VWA5A: variants seen among roughly 807,000 people sequenced by gnomAD.
VWA5A encodes von Willebrand factor A domain containing 5A, also known as von Willebrand factor A domain-containing protein 5A.
VWA5A carries 77 observed loss-of-function variants against 84.6 expected under a neutral mutation model. The observed-to-expected ratio is 0.91, with a 90% confidence interval of 0.76 to 1.10. The LOEUF is 1.10. VWA5A is among the 50% of genes least tolerant of loss of function. The pLI is 0.00. For synonymous variants in VWA5A, 334 were observed against 350.1 expected (o/e 0.95, Z 0.51); for missense variants, 973 against 963.0 (o/e 1.01, Z -0.14).
intron 11 of VWA5A, among the ~76,000 whole-genome samples, chr11:124,131,384 G>A (rs1343044626): frequency 1.3e-5 from 2 of 151,832 alleles, no homozygotes; most frequent in East Asian, 3.9e-4. Context: ...GTCTATTTTT[G>A]GAATTTTTTT....
At chr11:124,135,396 C>G (rs1017874558) in intron 12 of VWA5A, among the ~76,000 whole-genome samples, 1 of 152,004 alleles carries the variant, frequency 6.6e-6, no homozygotes, top group African/African-American at 2.4e-5. Flanking sequence ...CATGCATCCT[C>G]CATGCAAAAG....
At position 124,136,669 on chromosome 11, in the gene VWA5A, T is replaced by C. The variant is rs1860592637; in HGVS notation, c.1620T>C (p.Asp540=). The change falls in exon 14 of 19, where the codon GAT becomes GAC. Residue 540 remains aspartate, a synonymous_variant. Transcript: ENST00000456829. ...KVTFPLQPKP[D]VNLTIHRLAA... ...CATTTCCTCTACAACCCAAGCCTGATGTCAAGTGAGAATTCAGTTTTCCCT... is the reference window on the plus strand; with the variant it reads ...CATTTCCTCTACAACCCAAGCCTGACGTCAAGTGAGAATTCAGTTTTCCCT... 1 of 1,612,928 alleles carries C rather than the reference T, an allele frequency of 6.2e-7. No individual in the cohort carries two copies. The highest frequency in any genetic ancestry group is 1.3e-5 in the African/African-American group (1 of 74,710).
At position 124,117,746 on chromosome 11, in the gene VWA5A, C is replaced by T. The variant is rs745597343; in HGVS notation, c.117C>T (p.Tyr39=). 13 of 1,614,020 alleles carry T rather than the reference C, an allele frequency of 8.1e-6. No homozygotes were observed. The highest frequency in any genetic ancestry group is 5.0e-5 in the Admixed American group (3 of 59,998). The change falls in exon 4 of 19, where the codon TAC becomes TAT. Residue 39 remains tyrosine, a synonymous_variant. Transcript: ENST00000456829. ...CTGGTGTGTCTGCAACTTTGAACTACGAGAATGAGGAGAAAGTTCCTTTGG... is the reference window on the plus strand; with the variant it reads ...CTGGTGTGTCTGCAACTTTGAACTATGAGAATGAGGAGAAAGTTCCTTTGG... ...FVAGVSATLN[Y]ENEEKVPLEA...
At chr11:124,124,488 A>G (rs887369339) in intron 11 of VWA5A, 172 bp downstream of exon 11, 1 of 1,361,516 alleles carries the variant, frequency 7.3e-7, no homozygotes, top group African/African-American at 1.5e-5. Context: ...CAGTTTTCCA[A>G]ATAACATCAA....
rs1345534380 is a variant in VWA5A at position 124,142,583 on chromosome 11, A to G, written c.2154+11A>G. The G allele has an allele frequency of 3.1e-6, 5 of 1,613,924 alleles. No homozygotes were observed. The highest frequency in any genetic ancestry group is 1.3e-5 in the African/African-American group (1 of 74,936). The stretch of plus-strand genomic sequence containing the variant: ...GCACAGCCTGCCGAGGTAAGATTCA[A>G]TGGAAAAAGGAGTATGTATGTTTTT... On this transcript the variant is annotated intron_variant, in intron 17 of 18. Transcript: ENST00000456829.
intron 1 of VWA5A, chr11:124,115,700 G>A (rs1427253906): frequency 1.3e-5 from 2 of 152,210 alleles, no homozygotes; most frequent in African/African-American, 4.8e-5. Flanking sequence ...TTGAAGGAGG[G>A]ATTTAGCCAT....
chr11:124,132,243 G>A (rs1865107652), intron 11 of VWA5A, among the ~76,000 whole-genome samples: 1 of 151,702 alleles, frequency 6.6e-6, no homozygotes, highest in South Asian at 2.1e-4. Flanking sequence ...TCATTCAGTT[G>A]GATAATACTT....
chr11:124,124,330 G>T lies in VWA5A; in HGVS notation c.1244+14G>T, dbSNP rs1395746910. 1 of 1,613,052 alleles carries T rather than the reference G, an allele frequency of 6.2e-7. No individual in the cohort carries two copies. Among genetic ancestry groups the T allele is most frequent in the East Asian group, 2.2e-5 (1 of 44,862 alleles). Reference sequence around the variant, plus strand: ...ACAGAAACACAGGTAGGAAGAAAATGTGATTTCCGGGTGATTGGTGCTGAG... The same window carrying T: ...ACAGAAACACAGGTAGGAAGAAAATTTGATTTCCGGGTGATTGGTGCTGAG... On this transcript the variant is annotated intron_variant, in intron 11 of 18. Transcript: ENST00000456829.
chr11:124,124,551 G>A lies in VWA5A; in HGVS notation c.1244+235G>A, dbSNP rs575382219. 59 of 1,248,938 alleles carry A rather than the reference G, an allele frequency of 4.7e-5. No individual in the cohort carries two copies. In the African/African-American group the frequency reaches 8.3e-4, roughly 18 times the overall value. 77.4% of individuals were successfully genotyped at this position (1,248,938 alleles called of 1,614,324 possible). Reference sequence around the variant, plus strand: ...TCTTTCTAAACTACAACGAACACAAGAATTGAATAGTAAGATGTTAATTTT... The same window carrying A: ...TCTTTCTAAACTACAACGAACACAAAAATTGAATAGTAAGATGTTAATTTT... On this transcript the variant is annotated intron_variant, in intron 11 of 18. Coordinates refer to ENST00000456829, the MANE Select transcript of VWA5A (RefSeq NM_001130142.2).
chr11:124,125,588 T>C (rs1591359393), intron 11 of VWA5A, among the ~76,000 whole-genome samples: 1 of 152,126 alleles, frequency 6.6e-6, no homozygotes, highest in Admixed American at 6.6e-5. Flanking sequence ...AGGCCCCTTA[T>C]TATGGTTTTA....
Position 124,118,520 on chromosome 11 carries a change from T to C in VWA5A, c.470-13T>C. The C allele has an allele frequency of 1.2e-6, 2 of 1,613,312 alleles. No individual in the cohort carries two copies. The highest frequency in any genetic ancestry group is 1.7e-6 in the Non-Finnish European group (2 of 1,179,510). On this transcript the variant is annotated splice_polypyrimidine_tract_variant and intron_variant, in intron 5 of 18. Transcript: ENST00000456829. ...GTTGGCAAGGAAAACAGAACTAAGG[T>C]CATCTTTTATAGGGTCGTCTAAGGA...
In VWA5A at chr11:124,139,225, TTGTGTGTGTG is replaced by T. The variant is rs113893702; in HGVS notation, c.1879+1981_1879+1990del. ...TAGTATGATGCCTCCAGCATTTTGT[TTGTGTGTGTG>T]TGTGTGTGTGTGTGTGTGTGTGTTT... On this transcript the variant is annotated intron_variant, in intron 15 of 18. Coordinates refer to ENST00000456829, the MANE Select transcript of VWA5A (RefSeq NM_001130142.2). Among the ~76,000 whole-genome samples, 7 of 147,432 alleles carry T rather than the reference TTGTGTGTGTG, an allele frequency of 4.7e-5. No individual in the cohort carries two copies. In the East Asian group the frequency reaches 1.2e-3, roughly 25 times the overall value.
rs769515272 is a variant in VWA5A, at chr11:124,136,233, G to A, written c.1464G>A (p.Gln488=). The A allele has an allele frequency of 6.2e-7, 1 of 1,614,158 alleles. No homozygotes were observed. Among genetic ancestry groups the A allele is most frequent in the East Asian group, 2.2e-5 (1 of 44,858 alleles). The change falls in exon 13 of 19, where the codon CAG becomes CAA. Residue 488 remains glutamine, a synonymous_variant. Transcript: ENST00000456829. Reference sequence around the variant, plus strand: ...CTGCTAAAATGCTTTCCCCAGAACAGACTGTCATCTTTAGGGGTCAGAGAT... The same window carrying A: ...CTGCTAAAATGCTTTCCCCAGAACAAACTGTCATCTTTAGGGGTCAGAGAT... ...GLSAKMLSPE[Q]TVIFRGQRLI... is the part of the protein sequence containing the mutation.
At chr11:124,131,826 G>A (rs1865102409) in intron 11 of VWA5A, among the ~76,000 whole-genome samples, 1 of 150,100 alleles carries the variant, frequency 6.7e-6, no homozygotes, top group Non-Finnish European at 1.5e-5. Context: ...CTTCCCTTCT[G>A]GATTAGCCTG....
chr11:124,118,722 G>A lies in VWA5A; in HGVS notation c.645+14G>A, dbSNP rs1401184439. On this transcript the variant is annotated intron_variant, in intron 6 of 18. Coordinates refer to ENST00000456829, the MANE Select transcript of VWA5A (RefSeq NM_001130142.2). ...ACTTCTGCTCAGGTAGTTAATGAGA[G>A]AATACTGCTATTGTCAGTACCTCTG... is the stretch of plus-strand genomic sequence containing the variant. 3 of 1,609,194 alleles carry A rather than the reference G, an allele frequency of 1.9e-6. No individual in the cohort carries two copies. In the African/African-American group the frequency reaches 4.0e-5, roughly 21 times the overall value.
chr11:124,136,481 A>T, intron 13 of VWA5A, 93 bp from the exon 14 acceptor site: 2 of 1,437,050 alleles, frequency 1.4e-6, no homozygotes, highest in Non-Finnish European at 9.7e-7. Flanking sequence ...ATATTTTCAT[A>T]CATTGTTTTG....
intron 4 of VWA5A, 122 bp downstream of exon 4, chr11:124,117,997 C>G: frequency 1.5e-6 from 2 of 1,343,098 alleles, no homozygotes; most frequent in Admixed American, 2.5e-5. Context: ...GTTGAAAGCT[C>G]TTTCTTCCAC....
At chr11:124,125,461 G>T (rs1378975492) in intron 11 of VWA5A, among the ~76,000 whole-genome samples, 20 of 151,964 alleles carry the variant, frequency 1.3e-4, no homozygotes, top group Non-Finnish European at 1.5e-5. Context: ...TTTTTTGTAT[G>T]TTTAGTAGAG....
rs142299528 is a variant in VWA5A, at chr11:124,118,226, A to G, written c.284A>G (p.His95Arg). 4.5e-5 allele frequency: 72 copies of G among 1,614,138 alleles called. No homozygotes were observed. The African/African-American group carries it at 7.1e-4, about 16-fold the overall frequency. The change falls in exon 5 of 19, where the codon CAC (histidine) becomes CGC (arginine). Residue 95 changes from histidine (H) to arginine (R), a missense_variant. By Grantham distance (29) the His-to-Arg change is conservative. Coordinates refer to ENST00000456829, the MANE Select transcript of VWA5A (RefSeq NM_001130142.2). ...TNYEKAISQG[H>R]QAFLLEGDSS... ...TATGAGAAAGCCATCTCCCAGGGCCACCAGGCCTTCTTATTGGAGGGGGAC... is the reference window on the plus strand; with the variant it reads ...TATGAGAAAGCCATCTCCCAGGGCCGCCAGGCCTTCTTATTGGAGGGGGAC...
Sources: allele counts gnomAD v4.1 joint callset (sites outside exome capture counted in the v4.1 genomes callset), GRCh38; gene constraint gnomAD v4.1.1; transcripts MANE v1.5; gene names NCBI Gene and HGNC (gene_info 2026-07-23, HGNC 2026-07-21).